Variants in GARNL3 observed in about 807,000 individuals in gnomAD.
GARNL3 encodes the protein GTPase-activating Rap/Ran-GAP domain-like protein 3.
Under a neutral mutation model 125.0 loss-of-function variants are expected in GARNL3, and 63 were observed. The observed-to-expected ratio is 0.50, with a 90% CI of 0.41 to 0.62. The LOEUF is 0.62. Ranked by LOEUF, GARNL3 falls within the 20% of genes least tolerant of loss-of-function variation. The probability of loss-of-function intolerance (pLI) is 0.00; values close to 1 mark genes in which losing one functional copy is unlikely to be tolerated. For synonymous variants in GARNL3, 439 were observed against 457.5 expected (o/e 0.96, Z 0.52); for missense variants, 994 against 1,244.0 (o/e 0.80, Z 3.02).
At chr9:127,251,902 A>G (rs2063411651) in intron 2 of GARNL3, among the ~76,000 whole-genome samples, 1 of 152,174 alleles carries the variant, frequency 6.6e-6, no homozygotes, top group South Asian at 2.1e-4. Context: ...CCTCCCCTTA[A>G]CTGCACCAAG....
chr9:127,370,235 C>T (rs866888125), intron 22 of GARNL3, among the ~76,000 whole-genome samples: 5 of 152,192 alleles, frequency 3.3e-5, no homozygotes, highest in East Asian at 3.8e-4. Flanking sequence ...CTTCTGATGG[C>T]GCTGTCACCT....
At chr9:127,342,730 T>C in intron 14 of GARNL3, among the ~76,000 whole-genome samples, 1 of 151,960 alleles carries the variant, frequency 6.6e-6, no homozygotes, top group Non-Finnish European at 1.5e-5. Context: ...TAGAAAGACA[T>C]AGGGTGCTTT....
intron 2 of GARNL3, among the ~76,000 whole-genome samples, chr9:127,256,861 A>G (rs1246982329): frequency 2.0e-5 from 3 of 152,190 alleles, no homozygotes; most frequent in African/African-American, 7.2e-5. Flanking sequence ...GCCCAGTTTT[A>G]CATGCAGTTT....
At chr9:127,391,095 G>C (rs776010928) in intron 27 of GARNL3, among the ~76,000 whole-genome samples, 5 of 152,016 alleles carry the variant, frequency 3.3e-5, no homozygotes, top group Non-Finnish European at 7.4e-5. Context: ...GACTAGGCTG[G>C]CCAACACGGT....
In GARNL3 at chr9:127,282,177, T is replaced by C. The variant is rs377599797; in HGVS notation, c.145-8991T>C. On this transcript the variant is annotated intron_variant, in intron 1 of 27. Transcript: ENST00000373387. Reference sequence around the variant, plus strand: ...GCAGGGATCATGTTGGATTTATCTTTGTCCAGCAGTTAGTACAGGCCCTGA... The same window carrying C: ...GCAGGGATCATGTTGGATTTATCTTCGTCCAGCAGTTAGTACAGGCCCTGA... Among the ~76,000 whole-genome samples, 17 of 152,360 alleles carry C rather than the reference T, an allele frequency of 1.1e-4. No individual in the cohort carries two copies. The South Asian group carries it at 3.1e-3, about 28-fold the overall frequency.
chr9:127,294,264 G>A (rs1199561757), intron 2 of GARNL3, among the ~76,000 whole-genome samples: 1 of 152,050 alleles, frequency 6.6e-6, no homozygotes, highest in Non-Finnish European at 1.5e-5. Flanking sequence ...AGTTTTAATT[G>A]GCAATTCCTA....
intron 1 of GARNL3, among the ~76,000 whole-genome samples, chr9:127,278,920 A>C (rs2064030173): frequency 6.6e-6 from 1 of 152,060 alleles, no homozygotes; most frequent in Non-Finnish European, 1.5e-5. Context: ...CTGTATCTGA[A>C]TCACCCTCTC....
At chr9:127,302,003 C>T (rs1487685455) in intron 2 of GARNL3, among the ~76,000 whole-genome samples, 3 of 118,484 alleles carry the variant, frequency 2.5e-5, no homozygotes, top group East Asian at 2.9e-4. Context: ...TGTGCAGTGG[C>T]GTGATCTCGG....
At chr9:127,310,825 T>C (rs2065074470) in intron 2 of GARNL3, among the ~76,000 whole-genome samples, 1 of 149,920 alleles carries the variant, frequency 6.7e-6, no homozygotes, top group African/African-American at 2.5e-5. Flanking sequence ...AAGGAGGCAA[T>C]GTTGACAGTA....
chr9:127,340,876 C>T (rs569481015), intron 13 of GARNL3, among the ~76,000 whole-genome samples: 37 of 152,218 alleles, frequency 2.4e-4, no homozygotes, highest in Admixed American at 1.9e-3. Context: ...AACATGACTT[C>T]TCCTGCACAG....
chr9:127,226,334 A>G (rs1415633336), intron 1 of GARNL3, among the ~76,000 whole-genome samples: 1 of 152,226 alleles, frequency 6.6e-6, no homozygotes, highest in Non-Finnish European at 1.5e-5. Flanking sequence ...GGGGCCCTTG[A>G]CTTGGCCTTT....
Position 127,357,336 on chromosome 9 carries a change from A to G in GARNL3, c.2053A>G (p.Thr685Ala). ...RHQFDVVNES[T>A]GEAFRLHHVE... is the part of the protein sequence containing the mutation. ...CCAATTTGATGTGGTGAATGAGAGCACAGGAGAAGCCTTCAGGCTGCACCA... is the reference window on the plus strand; with the variant it reads ...CCAATTTGATGTGGTGAATGAGAGCGCAGGAGAAGCCTTCAGGCTGCACCA... The change falls in exon 21 of 28, where the codon ACA (threonine) becomes GCA (alanine). Residue 685 changes from threonine to alanine, a missense_variant. Coordinates refer to ENST00000373387, the MANE Select transcript of GARNL3 (RefSeq NM_032293.5). 6.2e-7 allele frequency: 1 copy of G among 1,614,186 alleles called. No homozygotes were observed. Among genetic ancestry groups the G allele is most frequent in the East Asian group, 2.2e-5 (1 of 44,888 alleles).
rs139397807 is a variant in GARNL3, at chr9:127,391,141, C to T, written c.2870+374C>T. Among the ~76,000 whole-genome samples, 1,220 of 151,812 alleles carry T rather than the reference C, an allele frequency of 8.0e-3. 9 individuals are homozygous for T. Among genetic ancestry groups the T allele is most frequent in the Non-Finnish European group, 0.014 (921 of 67,944 alleles). ...CTCTACTAAAAATACAAAAAGTAGC[C>T]GGGCGTGGTGGCACATCCCTGTGGT... On this transcript the variant is annotated intron_variant, in intron 27 of 27. Transcript: ENST00000373387.
rs144084313 is a variant in GARNL3 at position 127,308,013 on chromosome 9, A to G, written c.220-3623A>G. ...ATCGCTGCATGCCCTGCAGTGTCAT[A>G]GTGGAAAGACCTGGAGACCAGGAGT... On this transcript the variant is annotated intron_variant, in intron 2 of 27. Coordinates refer to ENST00000373387, the MANE Select transcript of GARNL3 (RefSeq NM_032293.5). Among the ~76,000 whole-genome samples the G allele has an allele frequency of 5.8e-4, 89 of 152,280 alleles. 1 individual carries two copies. In the East Asian group the frequency reaches 0.016, roughly 28 times the overall value.
chr9:127,376,440 G>T (rs902023957), intron 22 of GARNL3, among the ~76,000 whole-genome samples: 206 of 151,948 alleles, frequency 1.4e-3, no homozygotes, highest in African/African-American at 4.7e-3. Context: ...GGATGGTCTC[G>T]ATCTCCTGAC....
At chr9:127,322,453 T>C (rs1295442384) in intron 6 of GARNL3, among the ~76,000 whole-genome samples, 3 of 152,116 alleles carry the variant, frequency 2.0e-5, no homozygotes, top group Non-Finnish European at 4.4e-5. Context: ...ATATCACAAC[T>C]CTGTGCCTGT....
intron 27 of GARNL3, 21 bp downstream of exon 27, chr9:127,390,788 C>T (rs1351371579): frequency 1.9e-6 from 3 of 1,609,282 alleles, no homozygotes; most frequent in Non-Finnish European, 2.5e-6. Flanking sequence ...GGAGAGGCCC[C>T]TGCTTGGGGT....
intron 2 of GARNL3, among the ~76,000 whole-genome samples, chr9:127,310,232 A>G (rs2065057189): frequency 6.6e-6 from 1 of 152,230 alleles, no homozygotes; most frequent in Admixed American, 6.5e-5. Flanking sequence ...GGAATTTTTT[A>G]TAGTAATTAA....
chr9:127,376,784 C>T (rs4326474), intron 22 of GARNL3, among the ~76,000 whole-genome samples: 80,418 of 151,928 alleles, frequency 0.53, 21,651 homozygotes, highest in East Asian at 0.69. Flanking sequence ...GAAAACCTGA[C>T]TGAGTCAGTA....
Sources: gnomAD v4.1 joint callset for allele counts (sites outside exome capture counted in the v4.1 genomes callset) on GRCh38, gnomAD v4.1.1 for gene constraint, MANE v1.5 for transcripts, NCBI Gene and HGNC (gene_info 2026-07-23, HGNC 2026-07-21) for gene names.